The following ASB3 variants were observed in gnomAD, a reference collection of about 807,000 sequenced individuals.
ASB3 encodes the protein ankyrin repeat and SOCS box protein 3.
ASB3 carries 41 observed loss-of-function variants against 54.5 expected under a neutral mutation model. The ratio of observed to expected loss-of-function variants is 0.75; its 90% CI spans 0.59 to 0.98. The LOEUF (loss-of-function observed/expected upper bound fraction) is 0.98. ASB3 is among the 50% of genes least tolerant of loss of function. The pLI is 0.00. For synonymous variants in ASB3, 266 were observed against 221.2 expected (o/e 1.20, Z -1.80); for missense variants, 733 against 620.0 (o/e 1.18, Z -1.94).
At chr2:53,748,054 A>C (rs1183273825) in intron 3 of ASB3, among the ~76,000 whole-genome samples, 1 of 152,250 alleles carries the variant, frequency 6.6e-6, no homozygotes, top group African/African-American at 2.4e-5. Flanking sequence ...CAGTCTTTTT[A>C]AAGTTTCCTC....
At chr2:53,779,248 T>C (rs1034594886) in intron 1 of ASB3, among the ~76,000 whole-genome samples, 17 of 152,218 alleles carry the variant, frequency 1.1e-4, no homozygotes, top group African/African-American at 3.1e-4. Context: ...ATTCTTTCTA[T>C]AGAGTTATTT....
At chr2:53,691,066 G>C (rs1421312868) in intron 9 of ASB3, among the ~76,000 whole-genome samples, 2 of 152,144 alleles carry the variant, frequency 1.3e-5, no homozygotes, top group Admixed American at 6.5e-5. Flanking sequence ...GTATGTAAGA[G>C]GCACTTGATT....
rs1314932098 is a variant in ASB3 at position 53,734,983 on chromosome 2, G to C, written c.356-5413C>G. 3.4e-5 allele frequency among the ~76,000 whole-genome samples: 5 copies of C among 146,960 alleles called. No individual in the cohort carries two copies. The South Asian group carries it at 8.6e-4, about 25-fold the overall frequency. On this transcript the variant is annotated intron_variant, in intron 3 of 9. Coordinates refer to ENST00000263634, the MANE Select transcript of ASB3 (RefSeq NM_016115.5). The stretch of plus-strand genomic sequence containing the variant: ...TGCCCAGGCTGGAGTGCAGTGGTGC[G>C]ATCTTGGCTCACTACAACCTCCACC...
At chr2:53,720,216 C>T (rs922429053) in intron 5 of ASB3, among the ~76,000 whole-genome samples, 3 of 151,754 alleles carry the variant, frequency 2.0e-5, no homozygotes, top group South Asian at 2.1e-4. Flanking sequence ...TGAGTTGTCC[C>T]GCTTTTCCAG....
chr2:53,767,997 G>A lies in ASB3; in HGVS notation c.-13-2412C>T, dbSNP rs1434497143. The A allele has an allele frequency of 6.2e-6, 10 of 1,611,148 alleles. No homozygotes were observed. In the South Asian group the frequency reaches 6.6e-5, roughly 11 times the overall value. ...GCAGGCGCTTCTGGCAGGGCAGCAC[G>A]GACCACCGCGGGGTCCCCGGCAAGG... On this transcript the variant is annotated intron_variant, in intron 1 of 9. Transcript: ENST00000263634.
At position 53,670,292 on chromosome 2, in the gene ASB3, ATTTTTTTTTT is replaced by A. The variant is rs757738523; in HGVS notation, c.*201_*210del. On this transcript the variant is annotated 3_prime_UTR_variant, in exon 10 of 10. Coordinates refer to ENST00000263634, the MANE Select transcript of ASB3 (RefSeq NM_016115.5). ...TAAAGTAATATAAGTGATGTTTACA[ATTTTTTTTTT>A]TTTTTTTTTTTTTTTTACTGGGAAG... The A allele has an allele frequency of 5.9e-4, 106 of 178,686 alleles. No individual in the cohort carries two copies. The highest frequency in any genetic ancestry group is 2.1e-3 in the Middle Eastern group (1 of 480). 11.1% of individuals were successfully genotyped at this position (178,686 alleles called of 1,614,324 possible).
intron 1 of ASB3, chr2:53,767,456 G>T (rs547548575): frequency 6.4e-6 from 1 of 157,412 alleles, no homozygotes; most frequent in Non-Finnish European, 1.4e-5. Context: ...TGCGGTGCTG[G>T]TACACCGCCT....
intron 7 of ASB3, among the ~76,000 whole-genome samples, chr2:53,712,641 T>G (rs1209223419): frequency 6.6e-6 from 1 of 152,060 alleles, no homozygotes; most frequent in Non-Finnish European, 1.5e-5. Context: ...AAACTACACT[T>G]ATAAGGTGAT....
intron 1 of ASB3, among the ~76,000 whole-genome samples, chr2:53,769,720 C>CCAGTAGAGT (rs1171567859): frequency 6.6e-6 from 1 of 152,206 alleles, no homozygotes; most frequent in East Asian, 1.9e-4. Context: ...GTGGCGCACG[C>CCAGTAGAGT]CAGTAGAGTC....
chr2:53,673,675 C>G (rs1218749174), intron 9 of ASB3, among the ~76,000 whole-genome samples: 1 of 152,090 alleles, frequency 6.6e-6, no homozygotes, highest in Non-Finnish European at 1.5e-5. Context: ...ACTCCCAGTC[C>G]AGGGTTCTTT....
chr2:53,687,372 A>G (rs910845622), intron 9 of ASB3, among the ~76,000 whole-genome samples: 7 of 152,244 alleles, frequency 4.6e-5, no homozygotes, highest in Admixed American at 4.6e-4. Context: ...AGGTCCACAC[A>G]TGGCTGGTGT....
intron 9 of ASB3, among the ~76,000 whole-genome samples, chr2:53,674,995 C>T (rs1470481526): frequency 6.6e-6 from 1 of 152,112 alleles, no homozygotes; most frequent in Non-Finnish European, 1.5e-5. Flanking sequence ...CCTGTGCTGG[C>T]GCTGAGGTGC....
chr2:53,767,777 T>C (rs1211065882), intron 1 of ASB3: 8 of 1,400,798 alleles, frequency 5.7e-6, no homozygotes, highest in East Asian at 5.0e-5. Context: ...CAAGTGGCCA[T>C]CGCGCCTGCG....
chr2:53,670,339 A>C lies in ASB3; in HGVS notation c.*164T>G. The C allele has an allele frequency of 2.0e-6, 1 of 493,062 alleles. No homozygotes were observed. Among genetic ancestry groups the C allele is most frequent in the Non-Finnish European group, 3.2e-6 (1 of 313,558 alleles). 30.5% of individuals were successfully genotyped at this position (493,062 alleles called of 1,614,324 possible). ...TTTTTACTGGGAAGGCTAGTTGTAA[A>C]CATAAACATTCTCACTGAACTACTG... On this transcript the variant is annotated 3_prime_UTR_variant, in exon 10 of 10. Coordinates refer to ENST00000263634, the MANE Select transcript of ASB3 (RefSeq NM_016115.5).
At chr2:53,746,371 C>T (rs1211022104) in intron 3 of ASB3, among the ~76,000 whole-genome samples, 1 of 152,114 alleles carries the variant, frequency 6.6e-6, no homozygotes, top group Admixed American at 6.6e-5. Context: ...AGAGAAGACA[C>T]TGACACCCAT....
At chr2:53,747,016 A>G (rs938184533) in intron 3 of ASB3, among the ~76,000 whole-genome samples, 12 of 152,312 alleles carry the variant, frequency 7.9e-5, no homozygotes, top group African/African-American at 2.6e-4. Context: ...CCCTTGCTTC[A>G]TTAACATAAA....
chr2:53,762,791 C>G (rs930426557), intron 2 of ASB3, among the ~76,000 whole-genome samples: 3 of 151,978 alleles, frequency 2.0e-5, no homozygotes, highest in African/African-American at 7.3e-5. Flanking sequence ...AAACAGAAAA[C>G]TAAAATGAGA....
At chr2:53,693,381 G>A (rs1669017127) in intron 9 of ASB3, among the ~76,000 whole-genome samples, 1 of 152,058 alleles carries the variant, frequency 6.6e-6, no homozygotes, top group Non-Finnish European at 1.5e-5. Flanking sequence ...TTCACAGAAT[G>A]TGCACTCAGC....
intron 8 of ASB3, among the ~76,000 whole-genome samples, chr2:53,695,757 A>G (rs1669149971): frequency 6.6e-6 from 1 of 152,172 alleles, no homozygotes; most frequent in Admixed American, 6.5e-5. Flanking sequence ...AAATGCACAA[A>G]TGACATTTAT....
Sources: gnomAD v4.1 joint callset for allele counts (sites outside exome capture counted in the v4.1 genomes callset) on GRCh38, gnomAD v4.1.1 for gene constraint, MANE v1.5 for transcripts, NCBI Gene and HGNC (gene_info 2026-07-23, HGNC 2026-07-21) for gene names.